ELMO1: variants seen among roughly 807,000 people sequenced by gnomAD.
The protein encoded by ELMO1 is engulfment and cell motility protein 1.
A neutral mutation model predicts 98.9 loss-of-function variants in ELMO1; 26 were observed. The observed-to-expected ratio is 0.26, with a 90% CI of 0.19 to 0.36. ELMO1 has a LOEUF of 0.36. ELMO1 is among the 10% of genes least tolerant of loss of function. ELMO1 has a pLI of 1.00. For missense variants in ELMO1, 627 were observed against 935.2 expected, an observed-to-expected ratio of 0.67 and a Z score of 4.30; for synonymous variants, 346 against 346.0, an observed-to-expected ratio of 1.00 and a Z score of 0.00.
intron 4 of ELMO1, among the ~76,000 whole-genome samples, chr7:37,288,628 C>T (rs1486775841): frequency 3.2e-4 from 48 of 152,166 alleles, no homozygotes; most frequent in Admixed American, 3.1e-3. Context: ...GCTGATTGCC[C>T]CAAGCTGGCA....
intron 16 of ELMO1, among the ~76,000 whole-genome samples, chr7:36,926,413 T>C (rs1370767743): frequency 6.6e-6 from 1 of 152,172 alleles, no homozygotes; most frequent in African/African-American, 2.4e-5. Flanking sequence ...TAGGTGGGCA[T>C]TTTTTTCTTT....
intron 13 of ELMO1, among the ~76,000 whole-genome samples, chr7:37,187,858 G>T (rs367549243): frequency 2.6e-5 from 4 of 152,026 alleles, no homozygotes; most frequent in African/African-American, 9.7e-5. Context: ...AAAAAATAAC[G>T]ACACAAGGCC....
At chr7:37,214,148 A>C (rs1584819070) in intron 11 of ELMO1, among the ~76,000 whole-genome samples, 1 of 152,032 alleles carries the variant, frequency 6.6e-6, no homozygotes, top group African/African-American at 2.4e-5. Context: ...CAATCCCCTC[A>C]CCCCTGCCCA....
intron 15 of ELMO1, among the ~76,000 whole-genome samples, chr7:37,037,486 T>A (rs1584547697): frequency 6.6e-6 from 1 of 152,124 alleles, no homozygotes; most frequent in Non-Finnish European, 1.5e-5. Context: ...GGCACAAACA[T>A]TTCCTGTGGT....
At chr7:37,329,200 C>T (rs1275758550) in intron 2 of ELMO1, among the ~76,000 whole-genome samples, 1 of 152,204 alleles carries the variant, frequency 6.6e-6, no homozygotes, top group Non-Finnish European at 1.5e-5. Context: ...AAAGATGAGA[C>T]AGTGGCTCAA....
At chr7:36,966,185 C>T (rs985444789) in intron 16 of ELMO1, among the ~76,000 whole-genome samples, 10 of 152,228 alleles carry the variant, frequency 6.6e-5, no homozygotes, top group Admixed American at 5.9e-4. Flanking sequence ...ATCTTGCCTA[C>T]TTTCAGCCAT....
At chr7:37,199,763 T>G (rs1792178852) in intron 13 of ELMO1, among the ~76,000 whole-genome samples, 1 of 152,166 alleles carries the variant, frequency 6.6e-6, no homozygotes, top group Non-Finnish European at 1.5e-5. Context: ...TGCACCAGTT[T>G]GGATGTCCTT....
chr7:37,413,486 A>G (rs2052685), intron 1 of ELMO1, among the ~76,000 whole-genome samples: 25,410 of 152,198 alleles, frequency 0.17, 2,272 homozygotes, highest in South Asian at 0.26. Flanking sequence ...ACCAGTTGGT[A>G]CAACCTGGCA....
intron 13 of ELMO1, among the ~76,000 whole-genome samples, chr7:37,208,322 G>A (rs73108940): frequency 1.2e-3 from 182 of 152,282 alleles, no homozygotes; most frequent in Middle Eastern, 3.4e-3. Context: ...ACTGGCCCAT[G>A]GCTCAAAAGG....
intron 2 of ELMO1, among the ~76,000 whole-genome samples, chr7:37,316,753 C>T (rs1799187907): frequency 6.6e-6 from 1 of 152,014 alleles, no homozygotes; most frequent in African/African-American, 2.4e-5. Context: ...AAATCACAGA[C>T]AAGAAATGAA....
At chr7:37,434,833 G>A (rs914431148) in intron 1 of ELMO1, among the ~76,000 whole-genome samples, 2 of 152,110 alleles carry the variant, frequency 1.3e-5, no homozygotes, top group African/African-American at 4.8e-5. Context: ...CCTCCTCCCT[G>A]ACCTCCCTGA....
At chr7:37,393,156 T>C (rs1803153947) in intron 1 of ELMO1, among the ~76,000 whole-genome samples, 1 of 152,204 alleles carries the variant, frequency 6.6e-6, no homozygotes, top group Admixed American at 6.5e-5. Context: ...AAATTTTTAT[T>C]TTGAAGCAAT....
intron 13 of ELMO1, among the ~76,000 whole-genome samples, chr7:37,200,355 A>G (rs372123632): frequency 8.0e-5 from 12 of 150,786 alleles, no homozygotes; most frequent in African/African-American, 2.9e-4. Flanking sequence ...TGCTGAAATT[A>G]TAGGAGAGAG....
intron 1 of ELMO1, among the ~76,000 whole-genome samples, chr7:37,370,646 TA>T: frequency 6.6e-6 from 1 of 151,986 alleles, no homozygotes; most frequent in African/African-American, 2.4e-5. Context: ...AGAAGGTCAA[TA>T]AACCTATAAA....
chr7:37,071,008 A>T (rs1159521856), intron 15 of ELMO1, among the ~76,000 whole-genome samples: 5 of 152,194 alleles, frequency 3.3e-5, no homozygotes, highest in Non-Finnish European at 7.4e-5. Flanking sequence ...CTACTAGTCA[A>T]AGAGGCAAAA....
chr7:37,233,505 T>A (rs1236501793), intron 7 of ELMO1, among the ~76,000 whole-genome samples: 1 of 152,162 alleles, frequency 6.6e-6, no homozygotes, highest in Non-Finnish European at 1.5e-5. Flanking sequence ...TGAGCCTCTA[T>A]TTTTTCAGCT....
intron 1 of ELMO1, among the ~76,000 whole-genome samples, chr7:37,377,687 A>T (rs1046592051): frequency 1.3e-5 from 2 of 152,160 alleles, no homozygotes; most frequent in Non-Finnish European, 2.9e-5. Flanking sequence ...AGGGATTAAC[A>T]GCCCACCAAA....
intron 16 of ELMO1, among the ~76,000 whole-genome samples, chr7:36,930,168 G>C (rs369483678): frequency 1.5e-4 from 23 of 152,286 alleles, no homozygotes; most frequent in African/African-American, 5.1e-4. Flanking sequence ...CCAGCCCATG[G>C]GCAAGCTACT....
chr7:37,262,576 C>G (rs1010599189), intron 5 of ELMO1, among the ~76,000 whole-genome samples: 3 of 152,208 alleles, frequency 2.0e-5, no homozygotes, highest in African/African-American at 7.2e-5. Flanking sequence ...TGCTCCTTCC[C>G]TTGGTACCCG....
Sources: allele counts gnomAD v4.1 joint callset (sites outside exome capture counted in the v4.1 genomes callset), GRCh38; gene constraint gnomAD v4.1.1; transcripts MANE v1.5; gene names NCBI Gene and HGNC (gene_info 2026-07-23, HGNC 2026-07-21).